The following AFF2 variants were observed in gnomAD, a reference collection of about 807,000 sequenced individuals.
The protein encoded by AFF2 is ALF transcription elongation factor 2.
Under a neutral mutation model 76.9 loss-of-function variants are expected in AFF2, and 14 were observed. That is an observed-to-expected ratio of 0.18 (90% CI 0.12 to 0.28). AFF2 has a LOEUF of 0.28. Ranked by LOEUF, AFF2 falls within the 10% of genes least tolerant of loss-of-function variation. The probability of loss-of-function intolerance (pLI) is 1.00; values close to 1 mark genes in which losing one functional copy is unlikely to be tolerated. For missense variants in AFF2, 868 were observed against 1,001.1 expected, an observed-to-expected ratio of 0.87 and a Z score of 1.79; for synonymous variants, 398 against 366.7, an observed-to-expected ratio of 1.09 and a Z score of -0.98.
At chrX:148,789,226 A>T (rs1264990749) in intron 3 of AFF2, among the ~76,000 whole-genome samples, 1 of 112,259 alleles carries the variant, frequency 8.9e-6, no homozygotes, top group Middle Eastern at 4.2e-3. Flanking sequence ...CTAATTAAGC[A>T]TCTAGTCCTG....
At chrX:148,819,811 T>A (rs782514530) in intron 4 of AFF2, among the ~76,000 whole-genome samples, 17 of 112,170 alleles carry the variant, frequency 1.5e-4, no homozygotes, top group Non-Finnish European at 3.2e-4. Context: ...GGATTAATTT[T>A]TATGTGTGAT....
intron 1 of AFF2, among the ~76,000 whole-genome samples, chrX:148,562,421 G>A (rs1557240829): frequency 9.0e-6 from 1 of 111,606 alleles, no homozygotes; most frequent in Non-Finnish European, 1.9e-5. Flanking sequence ...ACAACCTCTA[G>A]TGTCTCCCCT....
At chrX:148,758,381 G>A (rs1354482785) in intron 3 of AFF2, among the ~76,000 whole-genome samples, 5 of 112,581 alleles carry the variant, frequency 4.4e-5, no homozygotes, top group Non-Finnish European at 9.4e-5. Context: ...TGGCCCTTTG[G>A]CAGACATTTC....
At position 148,813,872 on chromosome X, in the gene AFF2, A is replaced by G. The variant is rs1056176716; in HGVS notation, c.1086+3952A>G. Reference sequence around the variant, plus strand: ...TAGTTTTTTGAACAAACTAGAATTCACTGGCCTACAACACCTTTTCACCAA... The same window carrying G: ...TAGTTTTTTGAACAAACTAGAATTCGCTGGCCTACAACACCTTTTCACCAA... On this transcript the variant is annotated intron_variant, in intron 4 of 20. Coordinates refer to ENST00000370460, the MANE Select transcript of AFF2 (RefSeq NM_002025.4). Among the ~76,000 whole-genome samples, 3 of 112,410 alleles carry G rather than the reference A, an allele frequency of 2.7e-5. No homozygotes were observed. In the Admixed American group the frequency reaches 2.8e-4, roughly 11 times the overall value.
intron 1 of AFF2, among the ~76,000 whole-genome samples, chrX:148,617,322 CA>C (rs1438066524): frequency 8.9e-6 from 1 of 112,155 alleles, no homozygotes; most frequent in Non-Finnish European, 1.9e-5. Flanking sequence ...CTCTGATGGC[CA>C]GTGATGATGA....
chrX:148,656,027 T>C (rs1284527422), intron 2 of AFF2, among the ~76,000 whole-genome samples: 1 of 112,161 alleles, frequency 8.9e-6, no homozygotes, highest in African/African-American at 3.2e-5. Flanking sequence ...GGTTCATAAA[T>C]TAGCCAACAT....
chrX:148,664,121 C>G, intron 3 of AFF2, among the ~76,000 whole-genome samples: 2 of 111,226 alleles, frequency 1.8e-5, no homozygotes, highest in South Asian at 7.7e-4. Flanking sequence ...CTAGTCTCAC[C>G]TCTCTTCCAT....
chrX:148,935,396 TAC>T (rs3831670), intron 9 of AFF2, among the ~76,000 whole-genome samples: 265 of 102,501 alleles, frequency 2.6e-3, no homozygotes, highest in African/African-American at 8.4e-3. Context: ...CATTTGAAAC[TAC>T]ACACACACAC....
chrX:148,975,763 T>G (rs1448602853), intron 16 of AFF2, among the ~76,000 whole-genome samples: 4 of 102,233 alleles, frequency 3.9e-5, no homozygotes, highest in Non-Finnish European at 8.0e-5. Flanking sequence ...GCTAAAACGG[T>G]GAAACCCCGT....
chrX:148,862,380 G>C (rs2070858121), intron 7 of AFF2, among the ~76,000 whole-genome samples: 1 of 110,940 alleles, frequency 9.0e-6, no homozygotes. Flanking sequence ...TGTGTTTTGA[G>C]AATGCAAACA....
chrX:148,867,455 A>G (rs1309389829), intron 7 of AFF2, among the ~76,000 whole-genome samples: 2 of 112,551 alleles, frequency 1.8e-5, no homozygotes, highest in African/African-American at 6.5e-5. Context: ...GTAGCTTCCT[A>G]TCTAAGCAAG....
At chrX:148,734,945 C>T (rs2055267820) in intron 3 of AFF2, among the ~76,000 whole-genome samples, 1 of 111,800 alleles carries the variant, frequency 8.9e-6, no homozygotes, top group Non-Finnish European at 1.9e-5. Flanking sequence ...CCAAAAATCA[C>T]CCAGCAAGCA....
rs997136505 is a variant in AFF2, at chrX:148,992,286, A to C, written c.*954A>C. ...ATTTACACAGTTGGTAAGTGGGTCCATAACTGGCAGGATTTTTAAATTGTA... is the reference window on the plus strand; with the variant it reads ...ATTTACACAGTTGGTAAGTGGGTCCCTAACTGGCAGGATTTTTAAATTGTA... On this transcript the variant is annotated 3_prime_UTR_variant, in exon 21 of 21. Coordinates refer to ENST00000370460, the MANE Select transcript of AFF2 (RefSeq NM_002025.4). The C allele has an allele frequency of 8.9e-6, 1 of 112,241 alleles. No individual in the cohort carries two copies. The highest frequency in any genetic ancestry group is 9.4e-5 in the Admixed American group (1 of 10,614). 9.2% of individuals were successfully genotyped at this position (112,241 alleles called of 1,213,427 possible).
chrX:148,646,904 G>A (rs1047607775), intron 1 of AFF2, among the ~76,000 whole-genome samples: 15 of 112,026 alleles, frequency 1.3e-4, no homozygotes, highest in African/African-American at 4.9e-4. Context: ...GGCCTGTTTT[G>A]AGCTGCTTTT....
At chrX:148,797,773 T>C (rs1187731257) in intron 3 of AFF2, among the ~76,000 whole-genome samples, 1 of 112,066 alleles carries the variant, frequency 8.9e-6, no homozygotes, top group Non-Finnish European at 1.9e-5. Flanking sequence ...CCCCATAAAT[T>C]GGTATTCTAG....
intron 3 of AFF2, among the ~76,000 whole-genome samples, chrX:148,724,613 T>C (rs2055133302): frequency 8.9e-6 from 1 of 112,130 alleles, no homozygotes; most frequent in Non-Finnish European, 1.9e-5. Context: ...ATGAAGGCAC[T>C]GAGTAACAGA....
chrX:148,929,834 A>C (rs1241594418), intron 9 of AFF2, among the ~76,000 whole-genome samples: 1 of 112,156 alleles, frequency 8.9e-6, no homozygotes, highest in Non-Finnish European at 1.9e-5. Flanking sequence ...AAGATCCTAC[A>C]AAATGAGTCA....
chrX:148,977,780 G>A (rs927005742), intron 16 of AFF2, among the ~76,000 whole-genome samples, 153 bp from the exon 17 acceptor site: 1 of 111,183 alleles, frequency 9.0e-6, no homozygotes, highest in Non-Finnish European at 1.9e-5. Flanking sequence ...GTATGTTTTC[G>A]GGGAAGCATG....
intron 3 of AFF2, among the ~76,000 whole-genome samples, chrX:148,668,443 A>G (rs1254493871): frequency 3.6e-5 from 4 of 112,033 alleles, no homozygotes; most frequent in South Asian, 3.7e-4. Context: ...TCCCTTTCAC[A>G]TTGTCCTAGC....
Sources: allele counts gnomAD v4.1 joint callset (sites outside exome capture counted in the v4.1 genomes callset), GRCh38; gene constraint gnomAD v4.1.1; transcripts MANE v1.5; gene names NCBI Gene and HGNC (gene_info 2026-07-23, HGNC 2026-07-21).